ANKRD30A: variants seen among roughly 807,000 people sequenced by gnomAD.
The protein encoded by ANKRD30A is ankyrin repeat domain-containing protein 30A.
ANKRD30A carries 170 observed loss-of-function variants against 166.3 expected under a neutral mutation model. That is an observed-to-expected ratio of 1.02 (90% CI 0.90 to 1.16). ANKRD30A has a LOEUF of 1.16. ANKRD30A is among the 50% of genes most tolerant of loss of function. The probability of loss-of-function intolerance (pLI) is 0.00; values close to 1 mark genes in which losing one functional copy is unlikely to be tolerated. For missense variants in ANKRD30A, 1,630 were observed against 1,518.0 expected (o/e 1.07, Z -1.23); for synonymous variants, 564 against 508.9 (o/e 1.11, Z -1.46).
In ANKRD30A at chr10:37,228,058, G is replaced by C. The variant is rs190474901; in HGVS notation, c.4186-3403G>C. Among the ~76,000 whole-genome samples the C allele has an allele frequency of 4.9e-4, 74 of 151,870 alleles. 1 individual carries two copies. The Middle Eastern group carries it at 0.01, about 21-fold the overall frequency. ...CCATTCTCTGTAATTACTTCCCTCT[G>C]CTTAAATAGGTCAAGATGCACAGCT... On this transcript the variant is annotated intron_variant, in intron 34 of 35. Coordinates refer to ENST00000361713, the MANE Select transcript of ANKRD30A (RefSeq NM_052997.3).
chr10:37,178,433 G>A (rs1248158848), intron 24 of ANKRD30A: 1 of 723,480 alleles, frequency 1.4e-6, no homozygotes, highest in Non-Finnish European at 1.7e-6. Flanking sequence ...CTGAGATTCA[G>A]CCGACCTGGG....
At chr10:37,136,831 GTATA>G (rs71531277) in intron 6 of ANKRD30A, among the ~76,000 whole-genome samples, 160 bp downstream of exon 6, 2 of 141,912 alleles carry the variant, frequency 1.4e-5, no homozygotes, top group Non-Finnish European at 1.5e-5. Context: ...GTGTGTGTGT[GTATA>G]TATATATATA....
At chr10:37,164,677 A>G (rs920129892) in intron 17 of ANKRD30A, among the ~76,000 whole-genome samples, 2 of 152,092 alleles carry the variant, frequency 1.3e-5, no homozygotes, top group African/African-American at 4.8e-5. Context: ...ATCTTTTTTG[A>G]AGAACTGTGT....
chr10:37,258,855 C>T, the ANKRD30A span, among the ~76,000 whole-genome samples: 14 of 143,818 alleles, frequency 9.7e-5, no homozygotes, highest in East Asian at 2.0e-3. Context: ...CCCAGCTACT[C>T]GGGAGGCTGA....
intron 18 of ANKRD30A, among the ~76,000 whole-genome samples, chr10:37,165,953 G>A (rs552083039): frequency 2.6e-5 from 4 of 152,168 alleles, no homozygotes; most frequent in Admixed American, 6.5e-5. Context: ...ACAAAAAGAC[G>A]TTAATACTTG....
chr10:37,197,887 G>T (rs368923256), intron 29 of ANKRD30A, among the ~76,000 whole-genome samples: 1 of 151,782 alleles, frequency 6.6e-6, no homozygotes, highest in African/African-American at 2.4e-5. Flanking sequence ...GAATTACCTC[G>T]TTTCCAGTGT....
Position 37,162,635 on chromosome 10 carries a change from C to G in ANKRD30A, c.1901-14C>G. ...TTTACATATGATTGATGATAAATCTCTTTTGCTTTTTAGAGCCTCCGGGGA... is the reference window on the plus strand; with the variant it reads ...TTTACATATGATTGATGATAAATCTGTTTTGCTTTTTAGAGCCTCCGGGGA... On this transcript the variant is annotated splice_polypyrimidine_tract_variant and intron_variant, in intron 15 of 35. Transcript: ENST00000361713. 6.2e-7 allele frequency: 1 copy of G among 1,611,912 alleles called. No homozygotes were observed. The highest frequency in any genetic ancestry group is 1.1e-5 in the South Asian group (1 of 90,990).
At chr10:37,197,600 T>C in intron 29 of ANKRD30A, 120 bp downstream of exon 29, 1 of 1,445,720 alleles carries the variant, frequency 6.9e-7, no homozygotes, top group Non-Finnish European at 9.4e-7. Flanking sequence ...ATCTAGGTAA[T>C]GCCAATACTG....
intron 15 of ANKRD30A, among the ~76,000 whole-genome samples, chr10:37,161,906 T>G (rs1838916297): frequency 6.6e-6 from 1 of 152,148 alleles, no homozygotes; most frequent in Admixed American, 6.6e-5. Flanking sequence ...ACTTGAATAA[T>G]AAGATTGCTT....
intron 34 of ANKRD30A, among the ~76,000 whole-genome samples, chr10:37,226,207 T>C (rs1279139301): frequency 6.6e-6 from 1 of 150,858 alleles, no homozygotes; most frequent in Non-Finnish European, 1.5e-5. Flanking sequence ...GCTGCACCCA[T>C]TAACTCGTCA....
the ANKRD30A span, among the ~76,000 whole-genome samples, chr10:37,244,200 G>A: frequency 6.6e-6 from 1 of 152,052 alleles, no homozygotes; most frequent in African/African-American, 2.4e-5. Flanking sequence ...TGTTAATGCT[G>A]GTCAGTGATT....
chr10:37,156,848 C>T (rs942033666), intron 13 of ANKRD30A, among the ~76,000 whole-genome samples: 15 of 152,034 alleles, frequency 9.9e-5, no homozygotes, highest in South Asian at 4.1e-4. Context: ...TTATTTAAAG[C>T]GTATTGAATA....
rs929319493 is a variant in ANKRD30A at position 37,133,917 on chromosome 10, A to G, written c.619A>G (p.Thr207Ala). The G allele has an allele frequency of 4.3e-6, 7 of 1,613,568 alleles. No homozygotes were observed. In the African/African-American group the frequency reaches 9.3e-5, roughly 22 times the overall value. Residue 207 changes from threonine (T) to alanine (A), a missense_variant and splice_region_variant, in exon 5 of 36, where the codon ACA becomes GCA. Transcript: ENST00000361713. The stretch of plus-strand genomic sequence containing the variant: ...GAAGTTATCTCTTTGTTATTTTAGC[A>G]CAGCCCTCATGCTTGCTGTATGTCA... The part of the protein sequence containing the change: ...NANAVNKYKC[T>A]ALMLAVCHGS...
intron 5 of ANKRD30A, among the ~76,000 whole-genome samples, chr10:37,134,320 C>T (rs1156679888): frequency 1.3e-5 from 2 of 152,136 alleles, no homozygotes; most frequent in Admixed American, 6.5e-5. Flanking sequence ...CCTCTGGGGG[C>T]TGTCTTCCAT....
intron 1 of ANKRD30A, among the ~76,000 whole-genome samples, chr10:37,127,510 ATG>A (rs1029464951): frequency 2.4e-4 from 37 of 151,948 alleles, no homozygotes; most frequent in Admixed American, 1.6e-3. Flanking sequence ...CTACATATGT[ATG>A]TGTGTGTGTG....
intron 15 of ANKRD30A, among the ~76,000 whole-genome samples, chr10:37,158,960 C>G (rs1370277675): frequency 1.3e-5 from 2 of 152,164 alleles, no homozygotes; most frequent in Non-Finnish European, 2.9e-5. Context: ...CACTTGCTGA[C>G]ATGACAGTTG....
chr10:37,138,477 G>T (rs892460742), intron 6 of ANKRD30A, among the ~76,000 whole-genome samples: 9 of 151,854 alleles, frequency 5.9e-5, no homozygotes, highest in African/African-American at 1.9e-4. Context: ...TAAAAACCTT[G>T]AAAAAAAATT....
Position 37,125,611 on chromosome 10 carries a change from G to C in ANKRD30A, c.-177G>C, listed in dbSNP as rs781374228. Among the ~76,000 whole-genome samples, 3 of 152,140 alleles carry C rather than the reference G, an allele frequency of 2.0e-5. No homozygotes were observed. Among genetic ancestry groups the C allele is most frequent in the Non-Finnish European group, 2.9e-5 (2 of 68,026 alleles). ...CTGCTGGCTAACGGCTCTGCTCAGC[G>C]CGATTCTACTGAGAGAGGCCTGAGT... On this transcript the variant is annotated 5_prime_UTR_variant, in exon 1 of 36. Transcript: ENST00000361713.
intron 25 of ANKRD30A, among the ~76,000 whole-genome samples, chr10:37,191,587 C>T (rs1840581432): frequency 6.6e-6 from 1 of 152,022 alleles, no homozygotes; most frequent in Non-Finnish European, 1.5e-5. Flanking sequence ...TCAGCATATA[C>T]ATATTGGTAT....
Sources: allele counts gnomAD v4.1 joint callset (sites outside exome capture counted in the v4.1 genomes callset), GRCh38; gene constraint gnomAD v4.1.1; transcripts MANE v1.5; gene names NCBI Gene and HGNC (gene_info 2026-07-23, HGNC 2026-07-21).